Variants in FAM133B observed in about 807,000 individuals in gnomAD.
The protein encoded by FAM133B is family with sequence similarity 133 member B.
Under a neutral mutation model 46.4 loss-of-function variants are expected in FAM133B, and 25 were observed. The ratio of observed to expected loss-of-function variants is 0.54; its 90% CI spans 0.39 to 0.75. The LOEUF (loss-of-function observed/expected upper bound fraction) is 0.75. FAM133B is among the 30% of genes least tolerant of loss of function. The pLI is 0.00. For missense variants in FAM133B, 205 were observed against 277.6 expected (o/e 0.74, Z 1.86); for synonymous variants, 75 against 86.0 (o/e 0.87, Z 0.71).
At chr7:92,588,659 T>C (rs1423533015) in intron 1 of FAM133B, among the ~76,000 whole-genome samples, 1 of 152,152 alleles carries the variant, frequency 6.6e-6, no homozygotes, top group Non-Finnish European at 1.5e-5. Flanking sequence ...TCATGTCGAA[T>C]TGTAATCCCC....
chr7:92,566,519 G>A (rs1254524475), intron 9 of FAM133B, among the ~76,000 whole-genome samples: 1 of 152,104 alleles, frequency 6.6e-6, no homozygotes, highest in African/African-American at 2.4e-5. Flanking sequence ...GCATGTGCCT[G>A]TAGTCCCAGC....
chr7:92,567,686 G>C (rs1794397611), intron 9 of FAM133B, among the ~76,000 whole-genome samples: 1 of 152,148 alleles, frequency 6.6e-6, no homozygotes, highest in Non-Finnish European at 1.5e-5. Context: ...GCCATGTCCT[G>C]AACAGCCCTG....
intron 1 of FAM133B, 99 bp downstream of exon 1, chr7:92,590,169 T>G: frequency 1.3e-6 from 2 of 1,588,446 alleles, no homozygotes. Flanking sequence ...GTCTGAGGGC[T>G]GCCGCTTGCC....
At chr7:92,564,919 G>C (rs1326841463) in intron 10 of FAM133B, among the ~76,000 whole-genome samples, 1 of 152,040 alleles carries the variant, frequency 6.6e-6, no homozygotes, top group African/African-American at 2.4e-5. Flanking sequence ...ATTAATAGCA[G>C]AGTTTGGCTT....
At chr7:92,579,490 T>C in intron 2 of FAM133B, 95 bp from the exon 3 acceptor site, 1 of 800,118 alleles carries the variant, frequency 1.2e-6, no homozygotes, top group Non-Finnish European at 2.0e-6. Flanking sequence ...CTCTTCTAAA[T>C]ATTCTAATAG....
At chr7:92,580,712 C>T (rs1451269217) in intron 2 of FAM133B, among the ~76,000 whole-genome samples, 1 of 152,208 alleles carries the variant, frequency 6.6e-6, no homozygotes, top group Non-Finnish European at 1.5e-5. Context: ...CTACGAGTTA[C>T]TCAACCTGAG....
At chr7:92,580,750 T>C (rs1026047630) in intron 2 of FAM133B, among the ~76,000 whole-genome samples, 2 of 152,234 alleles carry the variant, frequency 1.3e-5, no homozygotes, top group Admixed American at 1.3e-4. Flanking sequence ...CTGATACACA[T>C]GTAATATATT....
chr7:92,562,993 A>T (rs1794205922), intron 10 of FAM133B, among the ~76,000 whole-genome samples: 1 of 152,240 alleles, frequency 6.6e-6, no homozygotes, highest in African/African-American at 2.4e-5. Context: ...AGAAGTAGTT[A>T]AACTGTGAGT....
chr7:92,568,524 A>ATTTTT (rs745580425), intron 9 of FAM133B, among the ~76,000 whole-genome samples: 1 of 118,226 alleles, frequency 8.5e-6, no homozygotes, highest in African/African-American at 3.3e-5. Flanking sequence ...CGCCTGGCTA[A>ATTTTT]TTTTTTTTTT....
intron 6 of FAM133B, 122 bp from the exon 7 acceptor site, chr7:92,577,317 T>C: frequency 1.7e-6 from 1 of 599,376 alleles, no homozygotes; most frequent in Non-Finnish European, 2.7e-6. Context: ...CTATATTTTT[T>C]TCTTAATACT....
At chr7:92,580,781 A>G (rs1455417124) in intron 2 of FAM133B, among the ~76,000 whole-genome samples, 1 of 152,200 alleles carries the variant, frequency 6.6e-6, no homozygotes, top group Non-Finnish European at 1.5e-5. Context: ...TTTCTCCTCG[A>G]AAGTTCATTC....
chr7:92,582,710 T>C (rs79415973), intron 1 of FAM133B, among the ~76,000 whole-genome samples: 1,933 of 152,250 alleles, frequency 0.013, 49 homozygotes, highest in African/African-American at 0.044. Context: ...AGGTATATAG[T>C]AAATGGCCAA....
At chr7:92,577,060 A>C in intron 7 of FAM133B, 43 bp downstream of exon 7, 1 of 1,229,248 alleles carries the variant, frequency 8.1e-7, no homozygotes. Flanking sequence ...AAACTTAATT[A>C]AATGTCTTTG....
chr7:92,589,404 A>G (rs1191939556), intron 1 of FAM133B, among the ~76,000 whole-genome samples: 1 of 152,026 alleles, frequency 6.6e-6, no homozygotes, highest in Non-Finnish European at 1.5e-5. Context: ...ACCATTTCCT[A>G]CTCTTTCTGC....
At chr7:92,572,647 A>C (rs1794566320) in intron 8 of FAM133B, among the ~76,000 whole-genome samples, 1 of 152,188 alleles carries the variant, frequency 6.6e-6, no homozygotes, top group Non-Finnish European at 1.5e-5. Flanking sequence ...TGAACCCGGG[A>C]AGTGGAGGTT....
At chr7:92,588,481 T>C (rs548652134) in intron 1 of FAM133B, among the ~76,000 whole-genome samples, 11 of 152,148 alleles carry the variant, frequency 7.2e-5, no homozygotes, top group Non-Finnish European at 1.5e-4. Context: ...ACAATCAAGA[T>C]AGCACAACAA....
intron 2 of FAM133B, among the ~76,000 whole-genome samples, chr7:92,579,843 A>AATGACTGAAC (rs1794814442): frequency 2.0e-5 from 3 of 152,186 alleles, no homozygotes; most frequent in African/African-American, 7.2e-5. Flanking sequence ...CATTCCATAT[A>AATGACTGAAC]TGACCCATTT....
Position 92,579,177 on chromosome 7 carries a change from G to T in FAM133B, c.201+140C>A, listed in dbSNP as rs530784587. The T allele has an allele frequency of 5.7e-5, 37 of 654,104 alleles. No homozygotes were observed. In the African/African-American group the frequency reaches 5.9e-4, roughly 10 times the overall value. The allele number at this position is 654,104 out of a possible 1,614,324, so 40.5% of individuals were successfully genotyped here. On this transcript the variant is annotated intron_variant, in intron 3 of 10. Transcript: ENST00000445716. ...TTTTAATGGAGACAAGGGCGGCGGG[G>T]GGGGGCCTTACTTTGTTGCCCAGGC... is the stretch of plus-strand genomic sequence containing the variant.
intron 1 of FAM133B, among the ~76,000 whole-genome samples, chr7:92,583,431 T>C (rs1236309563): frequency 6.6e-6 from 1 of 152,242 alleles, no homozygotes; most frequent in Non-Finnish European, 1.5e-5. Flanking sequence ...CTAAACTATA[T>C]AGTTAGAAAC....
Sources: gnomAD v4.1 joint callset for allele counts (sites outside exome capture counted in the v4.1 genomes callset) on GRCh38, gnomAD v4.1.1 for gene constraint, MANE v1.5 for transcripts, NCBI Gene and HGNC (gene_info 2026-07-23, HGNC 2026-07-21) for gene names.